The following LPO variants were observed in gnomAD, a reference collection of about 807,000 sequenced individuals.
LPO encodes salivary peroxidase.
A neutral mutation model predicts 68.4 loss-of-function variants in LPO; 70 were observed. The observed-to-expected ratio is 1.02, with a 90% CI of 0.84 to 1.25. The LOEUF (loss-of-function observed/expected upper bound fraction) is 1.25. Ranked by LOEUF, LPO falls within the 50% of genes most tolerant of loss-of-function variation. LPO has a pLI of 0.00. For synonymous variants in LPO, 360 were observed against 357.6 expected (o/e 1.01, Z -0.08); for missense variants, 873 against 908.4 (o/e 0.96, Z 0.50).
At position 58,267,594 on chromosome 17, in the gene LPO, C is replaced by T. The variant is rs1970294981; in HGVS notation, c.1931+8C>T. 3.8e-6 allele frequency: 6 copies of T among 1,597,096 alleles called. No individual in the cohort carries two copies. The highest frequency in any genetic ancestry group is 5.1e-6 in the Non-Finnish European group (6 of 1,169,182). On this transcript the variant is annotated splice_region_variant and intron_variant, in intron 12 of 12. Transcript: ENST00000262290. ...GATCCGTGATGGAGACAGGCAAGTGCGTCCTCAGCCAGGGAGGGAAGGGCA... is the reference window on the plus strand; with the variant it reads ...GATCCGTGATGGAGACAGGCAAGTGTGTCCTCAGCCAGGGAGGGAAGGGCA...
At chr17:58,254,605 C>T in intron 8 of LPO, 1 of 504,502 alleles carries the variant, frequency 2.0e-6, no homozygotes, top group Non-Finnish European at 3.5e-6. Flanking sequence ...GGTCACACAG[C>T]TAAAAAGTGT....
intron 9 of LPO, among the ~76,000 whole-genome samples, chr17:58,255,633 G>T (rs752396337): frequency 2.0e-5 from 3 of 152,134 alleles, no homozygotes; most frequent in Non-Finnish European, 2.9e-5. Context: ...AGCCAGGCGG[G>T]CCCCAGTGGC....
intron 9 of LPO, 30 bp from the exon 10 acceptor site, chr17:58,264,692 C>T (rs1304447303): frequency 6.2e-7 from 1 of 1,612,040 alleles, no homozygotes; most frequent in Admixed American, 1.7e-5. Flanking sequence ...CTTCTTACAC[C>T]CTTTCCTCTT....
At chr17:58,253,068 A>G (rs1969995563) in intron 8 of LPO, among the ~76,000 whole-genome samples, 1 of 151,696 alleles carries the variant, frequency 6.6e-6, no homozygotes. Flanking sequence ...AAAGAAAAGA[A>G]AAGAAAAAGA....
intron 4 of LPO, among the ~76,000 whole-genome samples, chr17:58,248,572 C>T (rs1157799047): frequency 6.6e-6 from 1 of 152,190 alleles, no homozygotes; most frequent in Non-Finnish European, 1.5e-5. Flanking sequence ...TCCCACAACC[C>T]TTGCCCCTCA....
chr17:58,249,003 A>G (rs1969903870), intron 4 of LPO, 57 bp from the exon 5 acceptor site: 2 of 1,343,506 alleles, frequency 1.5e-6, no homozygotes, highest in Admixed American at 3.4e-5. Context: ...CCTGCCTCCC[A>G]CGGGTGCCTG....
At chr17:58,243,904 A>C in intron 2 of LPO, 90 bp from the exon 3 acceptor site, 35 of 824,244 alleles carry the variant, frequency 4.2e-5, no homozygotes, top group Non-Finnish European at 6.9e-5. Flanking sequence ...GGTGGGGGTA[A>C]TGGCCGAGAA....
rs761924436 is a variant in LPO at position 58,252,247 on chromosome 17, C to T, written c.846C>T (p.Phe282=). 20 of 1,614,046 alleles carry T rather than the reference C, an allele frequency of 1.2e-5. No individual in the cohort carries two copies. Among genetic ancestry groups the T allele is most frequent in the African/African-American group, 8.0e-5 (6 of 74,898 alleles). Residue 282 remains phenylalanine, a synonymous_variant, in exon 8 of 13, where the codon TTC becomes TTT. Transcript: ENST00000262290. ...GCATGCCTTTCTTCCGAGCTGGGTT[C>T]GTCTGCCCCACTCCACCCTACAAGT... is the stretch of plus-strand genomic sequence containing the variant. ...GKCMPFFRAG[F]VCPTPPYKSL...
At position 58,259,694 on chromosome 17, in the gene LPO, C is replaced by G. The variant is rs138863604; in HGVS notation, c.1266+4723C>G. On this transcript the variant is annotated intron_variant, in intron 9 of 12. Coordinates refer to ENST00000262290, the MANE Select transcript of LPO (RefSeq NM_006151.3). ...TGACATCTTTACAATGTTGAGTTTT[C>G]CAATCCATAAACTAAGTATGTCTCC... Among the ~76,000 whole-genome samples the G allele has an allele frequency of 2.8e-4, 43 of 152,274 alleles. No homozygotes were observed. The East Asian group carries it at 6.2e-3, about 22-fold the overall frequency.
chr17:58,260,754 A>G (rs1970160655), intron 9 of LPO, among the ~76,000 whole-genome samples: 1 of 151,992 alleles, frequency 6.6e-6, no homozygotes, highest in South Asian at 2.1e-4. Flanking sequence ...AATCTTTTCT[A>G]TTTTCTAATG....
intron 10 of LPO, among the ~76,000 whole-genome samples, 160 bp downstream of exon 10, chr17:58,265,134 C>T (rs1970239833): frequency 6.6e-6 from 1 of 152,174 alleles, no homozygotes; most frequent in Non-Finnish European, 1.5e-5. Context: ...AAAATGGGGA[C>T]AATAATAGTA....
At chr17:58,248,765 G>C (rs1233936504) in intron 4 of LPO, among the ~76,000 whole-genome samples, 1 of 152,156 alleles carries the variant, frequency 6.6e-6, no homozygotes, top group Non-Finnish European at 1.5e-5. Flanking sequence ...AAATGAATCT[G>C]GACCTGGTAT....
chr17:58,245,358 C>T (rs1232625309), intron 3 of LPO, among the ~76,000 whole-genome samples: 2 of 152,092 alleles, frequency 1.3e-5, no homozygotes, highest in South Asian at 2.1e-4. Context: ...CTCAAGGGGC[C>T]GGAAGCTCTC....
intron 2 of LPO, 170 bp downstream of exon 2, chr17:58,243,225 C>T: frequency 1.7e-6 from 1 of 601,316 alleles, no homozygotes; most frequent in East Asian, 2.9e-5. Flanking sequence ...AGAATGCTTC[C>T]TTTCTTCTTC....
At chr17:58,249,535 C>G (rs774466105) in intron 5 of LPO, 31 bp from the exon 6 acceptor site, 13 of 1,596,998 alleles carry the variant, frequency 8.1e-6, no homozygotes, top group South Asian at 7.8e-5. Context: ...GCCGGCCTGC[C>G]GAAGCTCAGC....
At chr17:58,262,488 C>G (rs924436561) in intron 9 of LPO, among the ~76,000 whole-genome samples, 1 of 152,228 alleles carries the variant, frequency 6.6e-6, no homozygotes, top group Non-Finnish European at 1.5e-5. Flanking sequence ...CTCCCGGGCT[C>G]AAGCGATTCT....
chr17:58,247,637 A>G lies in LPO; in HGVS notation c.324A>G (p.Thr108=), dbSNP rs1472166315. The part of the protein sequence containing the change: ...LRQKASLTNV[T]DPSLDLTSLS... ...AGAAGGCATCCTTGACCAATGTCAC[A>G]GGTACAGAAAACCCACCAGCCCTCT... Residue 108 remains threonine, a splice_region_variant and synonymous_variant, in exon 4 of 13, where the codon ACA becomes ACG. Transcript: ENST00000262290. The G allele has an allele frequency of 6.2e-7, 1 of 1,612,926 alleles. No homozygotes were observed. Among genetic ancestry groups the G allele is most frequent in the African/African-American group, 1.3e-5 (1 of 74,912 alleles).
chr17:58,245,653 C>T (rs1033900685), intron 3 of LPO, among the ~76,000 whole-genome samples: 9 of 152,198 alleles, frequency 5.9e-5, no homozygotes. Flanking sequence ...AGGTGTCAAA[C>T]CCCAGCCATG....
intron 1 of LPO, among the ~76,000 whole-genome samples, chr17:58,240,272 A>G (rs1969730321): frequency 6.6e-6 from 1 of 152,160 alleles, no homozygotes; most frequent in African/African-American, 2.4e-5. Context: ...TTGAGGGGCA[A>G]AGGCTGTGGC....
Sources: allele counts gnomAD v4.1 joint callset (sites outside exome capture counted in the v4.1 genomes callset), GRCh38; gene constraint gnomAD v4.1.1; transcripts MANE v1.5; gene names NCBI Gene and HGNC (gene_info 2026-07-23, HGNC 2026-07-21).